Variants in YAF2 observed in about 807,000 individuals in gnomAD.
YAF2 encodes the protein YY1 associated factor 2, also known as YY1-associated factor 2.
A neutral mutation model predicts 20.1 loss-of-function variants in YAF2; 7 were observed. That is an observed-to-expected ratio of 0.35 (90% CI 0.20 to 0.65). The LOEUF (loss-of-function observed/expected upper bound fraction) is 0.65. Ranked by LOEUF, YAF2 falls within the 30% of genes least tolerant of loss-of-function variation. The pLI, the probability that YAF2 is intolerant of heterozygous loss-of-function variation, is 0.69. For synonymous variants in YAF2, 74 were observed against 76.0 expected, an observed-to-expected ratio of 0.97 and a Z score of 0.14; for missense variants, 151 against 219.2, an observed-to-expected ratio of 0.69 and a Z score of 1.96.
rs187368065 is a variant in YAF2 at position 42,224,685 on chromosome 12, T to C, written c.152+12914A>G. On this transcript the variant is annotated intron_variant, in intron 2 of 3. Transcript: ENST00000534854. Reference sequence around the variant, plus strand: ...AAATGATGGTTTCCAGCTTCATCCATGTCCCTGCAAAGGACATGAACTCAT... The same window carrying C: ...AAATGATGGTTTCCAGCTTCATCCACGTCCCTGCAAAGGACATGAACTCAT... Among the ~76,000 whole-genome samples the C allele has an allele frequency of 4.6e-5, 7 of 152,324 alleles. No homozygotes were observed. In the East Asian group the frequency reaches 1.3e-3, roughly 29 times the overall value.
intron 2 of YAF2, among the ~76,000 whole-genome samples, chr12:42,172,591 T>G (rs1228424842): frequency 1.3e-5 from 2 of 152,188 alleles, no homozygotes; most frequent in Non-Finnish European, 2.9e-5. Flanking sequence ...AGCCCAGAGA[T>G]AGCAGAAGTG....
intron 2 of YAF2, among the ~76,000 whole-genome samples, chr12:42,212,279 A>T (rs974530379): frequency 6.6e-6 from 1 of 152,202 alleles, no homozygotes; most frequent in Non-Finnish European, 1.5e-5. Context: ...TCATATGAAG[A>T]TATTACATTA....
chr12:42,202,642 T>C (rs1422802102), intron 2 of YAF2, among the ~76,000 whole-genome samples: 3 of 152,218 alleles, frequency 2.0e-5, no homozygotes, highest in Non-Finnish European at 2.9e-5. Flanking sequence ...GCATAACTTT[T>C]ATTTCTATTT....
chr12:42,211,333 A>C (rs1592012044), intron 2 of YAF2, among the ~76,000 whole-genome samples: 1 of 150,684 alleles, frequency 6.6e-6, no homozygotes, highest in Non-Finnish European at 1.5e-5. Context: ...TGGCTGAGGC[A>C]CGAGAACTGC....
chr12:42,181,428 T>G (rs1170869893), intron 2 of YAF2, among the ~76,000 whole-genome samples: 1 of 152,214 alleles, frequency 6.6e-6, no homozygotes, highest in Non-Finnish European at 1.5e-5. Flanking sequence ...TCCACTGCCT[T>G]TTACCAGCCA....
intron 2 of YAF2, among the ~76,000 whole-genome samples, chr12:42,206,064 T>C (rs1027546834): frequency 6.6e-6 from 1 of 152,082 alleles, no homozygotes; most frequent in Non-Finnish European, 1.5e-5. Context: ...TTCCATATTT[T>C]TCACCTCTTC....
At position 42,238,069 on chromosome 12, in the gene YAF2, G is replaced by A; in HGVS notation, c.26+86C>T. The A allele has an allele frequency of 1.7e-6, 2 of 1,201,872 alleles. 1 individual carries two copies. The highest frequency in any genetic ancestry group is 2.1e-6 in the Non-Finnish European group (2 of 935,870). The allele number at this position is 1,201,872 out of a possible 1,614,324, so 74.5% of individuals were successfully genotyped here. On this transcript the variant is annotated intron_variant, in intron 1 of 3. Transcript: ENST00000534854. ...GCCCCCGTGCTCGCCCCGGTGCCCG[G>A]GCGGCTAGCGAGGCGGCCACCCGAA...
intron 2 of YAF2, 123 bp from the exon 3 acceptor site, chr12:42,161,888 T>C: frequency 1.1e-6 from 1 of 880,356 alleles, no homozygotes; most frequent in South Asian, 1.8e-5. Context: ...TAAAAATTCC[T>C]CATATGTAAG....
At chr12:42,203,180 T>C (rs960319026) in intron 2 of YAF2, among the ~76,000 whole-genome samples, 4 of 152,144 alleles carry the variant, frequency 2.6e-5, no homozygotes, top group Non-Finnish European at 4.4e-5. Context: ...CCCAAAAATA[T>C]AGTATATCCT....
At chr12:42,170,039 T>C (rs2066007679) in intron 2 of YAF2, among the ~76,000 whole-genome samples, 1 of 151,772 alleles carries the variant, frequency 6.6e-6, no homozygotes, top group Non-Finnish European at 1.5e-5. Context: ...CCTGGGTAAT[T>C]TTTTTATTTT....
chr12:42,193,318 CA>C (rs35020261), intron 2 of YAF2, among the ~76,000 whole-genome samples: 5,437 of 87,040 alleles, frequency 0.062, 278 homozygotes, highest in African/African-American at 0.19. Flanking sequence ...GACTCCCTCT[CA>C]AAAAAAAAAA....
chr12:42,228,231 G>A (rs1319816149), intron 2 of YAF2, among the ~76,000 whole-genome samples: 6 of 86,688 alleles, frequency 6.9e-5, no homozygotes, highest in African/African-American at 2.0e-4. Context: ...CAGCCGCCCC[G>A]TCCTGGAGGG....
chr12:42,229,474 C>T lies in YAF2; in HGVS notation c.152+8125G>A, dbSNP rs75113098. On this transcript the variant is annotated intron_variant, in intron 2 of 3. Coordinates refer to ENST00000534854, the MANE Select transcript of YAF2 (RefSeq NM_005748.6). ...TACAATACTTCAGGTATTTTATTAG[C>T]TTCTGGGAATACCAAAGTGAATAAG... Among the ~76,000 whole-genome samples, 7 of 151,168 alleles carry T rather than the reference C, an allele frequency of 4.6e-5. No homozygotes were observed. The East Asian group carries it at 1.4e-3, about 29-fold the overall frequency.
chr12:42,182,381 AAATC>A, intron 2 of YAF2, among the ~76,000 whole-genome samples: 1 of 152,354 alleles, frequency 6.6e-6, no homozygotes, highest in East Asian at 1.9e-4. Flanking sequence ...TGTGAAAAAA[AAATC>A]AATCAGCTTG....
intron 2 of YAF2, among the ~76,000 whole-genome samples, chr12:42,236,250 G>T (rs2068151876): frequency 6.6e-6 from 1 of 152,178 alleles, no homozygotes; most frequent in Non-Finnish European, 1.5e-5. Context: ...CAGCCAAGAA[G>T]ATACTCTGCT....
At chr12:42,226,262 T>C (rs2067692469) in intron 2 of YAF2, among the ~76,000 whole-genome samples, 1 of 152,176 alleles carries the variant, frequency 6.6e-6, no homozygotes, top group African/African-American at 2.4e-5. Flanking sequence ...ATCTGAAAAA[T>C]GAGACCTAAT....
At chr12:42,237,445 G>A in intron 2 of YAF2, 154 bp downstream of exon 2, 2 of 1,313,398 alleles carry the variant, frequency 1.5e-6, no homozygotes, top group South Asian at 1.9e-5. Context: ...CCTGGGTTGC[G>A]ATCAATGTGA....
intron 2 of YAF2, among the ~76,000 whole-genome samples, chr12:42,209,126 A>G (rs114212052): frequency 0.01 from 1,598 of 152,306 alleles, 28 homozygotes; most frequent in African/African-American, 0.037. Context: ...ATTCTGTCAC[A>G]ATTCACATCA....
intron 2 of YAF2, among the ~76,000 whole-genome samples, chr12:42,185,404 T>C (rs1461149500): frequency 6.6e-6 from 1 of 152,214 alleles, no homozygotes; most frequent in Admixed American, 6.5e-5. Context: ...ATAAACTTAA[T>C]TGATAAAGAA....
Sources: gnomAD v4.1 joint callset for allele counts (sites outside exome capture counted in the v4.1 genomes callset) on GRCh38, gnomAD v4.1.1 for gene constraint, MANE v1.5 for transcripts, NCBI Gene and HGNC (gene_info 2026-07-23, HGNC 2026-07-21) for gene names.